The following ADCY2 variants were observed in gnomAD, a reference collection of about 807,000 sequenced individuals.
The protein encoded by ADCY2 is adenylate cyclase type 2.
ADCY2 carries 31 observed loss-of-function variants against 125.2 expected under a neutral mutation model. The observed-to-expected ratio is 0.25, with a 90% CI of 0.19 to 0.33. ADCY2 has a LOEUF of 0.33. ADCY2 is among the 10% of genes least tolerant of loss of function. The pLI is 1.00. For missense variants in ADCY2, 904 were observed against 1,418.2 expected (o/e 0.64, Z 5.82); for synonymous variants, 512 against 548.4 (o/e 0.93, Z 0.93).
intron 3 of ADCY2, among the ~76,000 whole-genome samples, chr5:7,551,685 A>G (rs748691123): frequency 1.3e-5 from 2 of 152,220 alleles, no homozygotes; most frequent in South Asian, 2.1e-4. Context: ...CTGATATCCA[A>G]ACAAAACCAG....
At chr5:7,539,426 T>C (rs767113793) in intron 3 of ADCY2, among the ~76,000 whole-genome samples, 3 of 152,000 alleles carry the variant, frequency 2.0e-5, no homozygotes, top group Non-Finnish European at 4.4e-5. Context: ...CCTCCAGAAA[T>C]GTGGATTCAC....
chr5:7,466,873 A>G (rs557825446), intron 2 of ADCY2, among the ~76,000 whole-genome samples: 2 of 151,866 alleles, frequency 1.3e-5, no homozygotes, highest in Admixed American at 1.3e-4. Context: ...CCTCACACCC[A>G]CCCCATGAGG....
In ADCY2 at chr5:7,541,787, G is replaced by T. The variant is rs1211781042; in HGVS notation, c.570+20888G>T. 4.6e-5 allele frequency among the ~76,000 whole-genome samples: 7 copies of T among 152,158 alleles called. No homozygotes were observed. The East Asian group carries it at 1.3e-3, about 29-fold the overall frequency. On this transcript the variant is annotated intron_variant, in intron 3 of 24. Transcript: ENST00000338316. ...GGAAATGGAATACAGAGTCCAAAGA[G>T]ATTTCATCCAGTTAGAACATGTGAC...
chr5:7,418,656 T>TTTTG lies in ADCY2; in HGVS notation c.408+3889_408+3890insGTTT, dbSNP rs1228714255. Among the ~76,000 whole-genome samples the TTTTG allele has an allele frequency of 2.9e-3, 389 of 132,864 alleles. 5 individuals carry two copies. The highest frequency in any genetic ancestry group is 7.4e-3 in the Middle Eastern group (2 of 270). 87.2% of individuals were successfully genotyped at this position (132,864 alleles called of 152,430 possible). ...CAAAAGTCTACCTTCTGTTTTTTTT[T>TTTTG]TTTTTTTTTTTTTTTTTGAGACTGA... On this transcript the variant is annotated intron_variant, in intron 2 of 24. Coordinates refer to ENST00000338316, the MANE Select transcript of ADCY2 (RefSeq NM_020546.3).
At chr5:7,756,167 A>T (rs1742985957) in intron 15 of ADCY2, among the ~76,000 whole-genome samples, 2 of 152,260 alleles carry the variant, frequency 1.3e-5, no homozygotes, top group Non-Finnish European at 2.9e-5. Flanking sequence ...CCCACGCAGC[A>T]TCTGCATAGG....
chr5:7,623,634 G>A (rs1738028538), intron 3 of ADCY2, among the ~76,000 whole-genome samples: 1 of 152,132 alleles, frequency 6.6e-6, no homozygotes, highest in Non-Finnish European at 1.5e-5. Context: ...TCAAAGTATG[G>A]CAATAAGAAG....
intron 2 of ADCY2, among the ~76,000 whole-genome samples, chr5:7,430,573 T>C (rs1365282950): frequency 6.9e-6 from 1 of 144,758 alleles, no homozygotes; most frequent in Admixed American, 6.8e-5. Context: ...ATATATATAG[T>C]GTATATATAT....
intron 3 of ADCY2, among the ~76,000 whole-genome samples, chr5:7,550,747 A>G (rs1283829955): frequency 1.3e-5 from 2 of 152,076 alleles, no homozygotes; most frequent in Non-Finnish European, 2.9e-5. Context: ...CCATCCCAGC[A>G]TGGTATCCCA....
Position 7,500,107 on chromosome 5 carries a change from G to A in ADCY2, c.409-20631G>A, listed in dbSNP as rs144657318. Among the ~76,000 whole-genome samples the A allele has an allele frequency of 1.6e-3, 244 of 152,242 alleles. 2 individuals are homozygous for A. The highest frequency in any genetic ancestry group is 2.6e-3 in the Non-Finnish European group (180 of 68,026). Reference sequence around the variant, plus strand: ...TTTTATGCACTTACTTGCACTATAAGAGGCTCACAGCTGATCTTGGATGTT... The same window carrying A: ...TTTTATGCACTTACTTGCACTATAAAAGGCTCACAGCTGATCTTGGATGTT... On this transcript the variant is annotated intron_variant, in intron 2 of 24. Coordinates refer to ENST00000338316, the MANE Select transcript of ADCY2 (RefSeq NM_020546.3).
At chr5:7,731,017 G>A (rs1034200054) in intron 14 of ADCY2, among the ~76,000 whole-genome samples, 1 of 152,024 alleles carries the variant, frequency 6.6e-6, no homozygotes, top group South Asian at 2.1e-4. Flanking sequence ...TGGAGTTCTT[G>A]TAGCTGCATA....
rs1375904989 is a variant in ADCY2 at position 7,658,275 on chromosome 5, T to G, written c.720+31959T>G. ...TTGCTGTCCTCTCCAGTTTTTCTCA[T>G]GAACCGGTTCCTTGAATCCCTTCTC... On this transcript the variant is annotated intron_variant, in intron 4 of 24. Coordinates refer to ENST00000338316, the MANE Select transcript of ADCY2 (RefSeq NM_020546.3). The G allele has an allele frequency of 3.3e-5, 5 of 152,396 alleles. No homozygotes were observed. In the East Asian group the frequency reaches 5.8e-4, roughly 18 times the overall value. The allele number at this position is 152,396 out of a possible 1,614,324, so 9.4% of individuals were successfully genotyped here.
At chr5:7,805,996 C>A (rs528520343) in intron 22 of ADCY2, among the ~76,000 whole-genome samples, 1 of 152,158 alleles carries the variant, frequency 6.6e-6, no homozygotes, top group South Asian at 2.1e-4. Flanking sequence ...TAAAAGAAAC[C>A]CCAGAAGAAC....
intron 2 of ADCY2, among the ~76,000 whole-genome samples, chr5:7,516,612 G>A (rs1457843524): frequency 6.6e-6 from 1 of 152,012 alleles, no homozygotes; most frequent in Non-Finnish European, 1.5e-5. Flanking sequence ...GTTTCCACTC[G>A]CCCCTCACCT....
At chr5:7,652,545 A>G (rs1381471103) in intron 4 of ADCY2, among the ~76,000 whole-genome samples, 1 of 152,226 alleles carries the variant, frequency 6.6e-6, no homozygotes, top group Non-Finnish European at 1.5e-5. Flanking sequence ...TTAAAAACTG[A>G]CATTGTATTC....
intron 7 of ADCY2, among the ~76,000 whole-genome samples, chr5:7,700,732 C>CAT: frequency 9.8e-6 from 1 of 102,466 alleles, no homozygotes; most frequent in Non-Finnish European, 1.7e-5. Context: ...CACACACACA[C>CAT]ACACACACAC....
intron 12 of ADCY2, among the ~76,000 whole-genome samples, chr5:7,721,136 T>A (rs180923492): frequency 6.6e-6 from 1 of 152,360 alleles, no homozygotes; most frequent in Admixed American, 6.5e-5. Context: ...TTTGCATTTC[T>A]CTGATGGCCA....
chr5:7,414,841 C>G, intron 2 of ADCY2, 71 bp downstream of exon 2: 1 of 1,390,376 alleles, frequency 7.2e-7, no homozygotes, highest in East Asian at 2.5e-5. Flanking sequence ...CTGTAAACAA[C>G]TTGGCCTTAA....
chr5:7,703,246 AT>A (rs1470053140), intron 7 of ADCY2, among the ~76,000 whole-genome samples: 2 of 152,126 alleles, frequency 1.3e-5, no homozygotes, highest in African/African-American at 4.8e-5. Flanking sequence ...CCATTTGTCA[AT>A]TTTGGCTTTT....
At chr5:7,563,952 C>A (rs543196568) in intron 3 of ADCY2, among the ~76,000 whole-genome samples, 3 of 152,286 alleles carry the variant, frequency 2.0e-5, no homozygotes, top group African/African-American at 7.2e-5. Flanking sequence ...ATCATAAGTA[C>A]CATCCCAATC....
Sources: allele counts gnomAD v4.1 joint callset (sites outside exome capture counted in the v4.1 genomes callset), GRCh38; gene constraint gnomAD v4.1.1; transcripts MANE v1.5; gene names NCBI Gene and HGNC (gene_info 2026-07-23, HGNC 2026-07-21).